The following RNF212 variants were observed in gnomAD, a reference collection of about 807,000 sequenced individuals.
The protein encoded by RNF212 is ring finger protein 212.
In RNF212, 33 loss-of-function variants were observed where a neutral mutation model predicts 34.7. That is an observed-to-expected ratio of 0.95 (90% confidence interval 0.72 to 1.27). RNF212 has a LOEUF of 1.27. Among genes scored for constraint, RNF212 ranks in the 50% most tolerant of loss-of-function variants. The pLI is 0.00. For synonymous variants in RNF212, 140 were observed against 136.1 expected (o/e 1.03, Z -0.20); for missense variants, 377 against 362.2 (o/e 1.04, Z -0.33).
rs1722853702 is a variant in RNF212 at position 1,095,131 on chromosome 4, C to G, written c.246+1634G>C. ...GCTCCATGGTCTCAGGATAGCGCAC[C>G]TGGCTCATCACAGAACCAAGCACGC... On this transcript the variant is annotated intron_variant, in intron 3 of 9. Transcript: ENST00000433731. Among the ~76,000 whole-genome samples, 3 of 147,882 alleles carry G rather than the reference C, an allele frequency of 2.0e-5. No homozygotes were observed. In the South Asian group the frequency reaches 6.5e-4, roughly 32 times the overall value.
At position 1,113,389 on chromosome 4, in the gene RNF212, C is replaced by T; in HGVS notation, c.76G>A (p.Gly26Arg). 1 of 1,602,280 alleles carries T rather than the reference C, an allele frequency of 6.2e-7. No individual in the cohort carries two copies. Residue 26 changes from glycine to arginine, a missense_variant, in exon 1 of 10, where the codon GGG (glycine) becomes AGG (arginine). By Grantham distance (125) the Gly-to-Arg change is moderately radical. Coordinates refer to ENST00000433731, the MANE Select transcript of RNF212 (RefSeq NM_001131034.4). ...AGGCAGGCGTCGCAGTACACGTGCC[C>T]GCAGTTGGTGAGGCTGAAGCACGAC... Reference protein sequence around the residue: ...RTSCFSLTNCGHVYCDACLGK... With the variant: ...RTSCFSLTNCRHVYCDACLGK...
chr4:1,096,968 C>T (rs1723162058), intron 2 of RNF212, 129 bp from the exon 3 acceptor site: 1 of 731,714 alleles, frequency 1.4e-6, no homozygotes, highest in South Asian at 1.6e-5. Flanking sequence ...TTGTGAATGG[C>T]CTCTCAGGGG....
intron 3 of RNF212, chr4:1,094,007 C>G (rs1299894522): frequency 6.5e-7 from 1 of 1,533,484 alleles, no homozygotes; most frequent in East Asian, 2.4e-5. Context: ...TCGGGAAAGC[C>G]TGAGATACTG....
chr4:1,111,526 C>A (rs1560174107), intron 1 of RNF212, among the ~76,000 whole-genome samples: 2 of 152,132 alleles, frequency 1.3e-5, no homozygotes, highest in Admixed American at 6.5e-5. Context: ...GCAGTGAAAC[C>A]CTGTCCAGTT....
In RNF212 at chr4:1,062,467, A is replaced by G. The variant is rs532594230; in HGVS notation, n.148-4074T>C. ...CACTTGAAAAATTTAACCCTTCTTC[A>G]TGACAAAAAAGGACTAGAAGGGCAC... is the stretch of plus-strand genomic sequence containing the variant. On this transcript the variant is annotated intron_variant and non_coding_transcript_variant, in intron 3 of 4. Coordinates refer to the RNF212 transcript ENST00000503206. Among the ~76,000 whole-genome samples the G allele has an allele frequency of 5.3e-5, 8 of 152,340 alleles. No homozygotes were observed. The South Asian group carries it at 1.5e-3, about 28-fold the overall frequency.
intron 3 of RNF212, chr4:1,093,706 G>A (rs1367722879): frequency 1.3e-6 from 2 of 1,536,134 alleles, no homozygotes; most frequent in African/African-American, 1.4e-5. Context: ...TCTGATGTCT[G>A]TGATAACAGA....
chr4:1,091,938 G>A (rs542683726), intron 3 of RNF212, among the ~76,000 whole-genome samples: 90 of 152,288 alleles, frequency 5.9e-4, no homozygotes, highest in Admixed American at 1.8e-3. Flanking sequence ...GAAGGACTCC[G>A]CAGGTTGCCC....
chr4:1,071,990 A>G lies in RNF212; in HGVS notation c.*884T>C, dbSNP rs1718544778. The G allele has an allele frequency of 6.6e-6, 1 of 152,270 alleles. No homozygotes were observed. Among genetic ancestry groups the G allele is most frequent in the Non-Finnish European group, 1.5e-5 (1 of 68,052 alleles). The allele number at this position is 152,270 out of a possible 1,614,324, so 9.4% of individuals were successfully genotyped here. A position where few individuals can be genotyped will look rare whatever the true frequency, so the allele number is the denominator to read the frequency against. On this transcript the variant is annotated 3_prime_UTR_variant, in exon 10 of 10. Transcript: ENST00000433731. ...ATGGACATCTATAGCAGCTTAATTC[A>G]TAATTGCCAAAACTTGGAAGCAACC...
At chr4:1,070,769 A>G (rs11732259), downstream of RNF212, among the ~76,000 whole-genome samples, 26,255 of 152,200 alleles carry the variant, frequency 0.17, 3,555 homozygotes, top group African/African-American at 0.38. Context: ...AGGGCACCAC[A>G]TCGGTAACAT....
Position 1,073,589 on chromosome 4 carries a change from T to A in RNF212, c.574+10A>T, listed in dbSNP as rs765998057. 6 of 1,582,312 alleles carry A rather than the reference T, an allele frequency of 3.8e-6. No individual in the cohort carries two copies. The East Asian group carries it at 1.3e-4, about 35-fold the overall frequency. ...TGTATCGGTCTGAGGTTACAGGACATTTTACTTACCCATTCGTCCATCTTG... is the reference window on the plus strand; with the variant it reads ...TGTATCGGTCTGAGGTTACAGGACAATTTACTTACCCATTCGTCCATCTTG... On this transcript the variant is annotated intron_variant, in intron 9 of 9. Coordinates refer to ENST00000433731, the MANE Select transcript of RNF212 (RefSeq NM_001131034.4).
chr4:1,082,142 G>C (rs1177557573), intron 5 of RNF212, among the ~76,000 whole-genome samples: 4 of 151,934 alleles, frequency 2.6e-5, no homozygotes, highest in Non-Finnish European at 5.9e-5. Context: ...AAAAGGAAGG[G>C]GAAAGGGAAA....
In RNF212 at chr4:1,108,366, G is replaced by A. The variant is rs868110478; in HGVS notation, c.148C>T (p.Arg50Cys). 3 of 1,507,014 alleles carry A rather than the reference G, an allele frequency of 2.0e-6. No homozygotes were observed. The highest frequency in any genetic ancestry group is 2.7e-5 in the Admixed American group (1 of 36,778). 93.4% of individuals were successfully genotyped at this position (1,507,014 alleles called of 1,614,324 possible). Residue 50 changes from arginine (R) to cysteine (C), a missense_variant, in exon 2 of 10, where the codon CGT (arginine) becomes TGT (cysteine). By Grantham distance (180) the Arg-to-Cys change is radical. Coordinates refer to ENST00000433731, the MANE Select transcript of RNF212 (RefSeq NM_001131034.4). ...ACATGCTTTGAAAGCAAAACTGTAC[G>A]ACAAGGAGCTTTACAAATCAAGCAT... is the stretch of plus-strand genomic sequence containing the variant. ...NECLICKAPC[R>C]TVLLSKHTDA...
chr4:1,074,103 T>C (rs1472228365), intron 8 of RNF212, among the ~76,000 whole-genome samples: 1 of 152,164 alleles, frequency 6.6e-6, no homozygotes, highest in Non-Finnish European at 1.5e-5. Flanking sequence ...CCCTGCTCTG[T>C]GCCCACCCTT....
chr4:1,111,843 A>G (rs190132270), intron 1 of RNF212, among the ~76,000 whole-genome samples: 28 of 152,336 alleles, frequency 1.8e-4, no homozygotes, highest in African/African-American at 6.3e-4. Context: ...CCAAAGGGCC[A>G]TGGACAGTGG....
chr4:1,093,840 G>A (rs1722601485), intron 3 of RNF212: 2 of 1,536,092 alleles, frequency 1.3e-6, no homozygotes, highest in Admixed American at 2.0e-5. Context: ...TGGGCCTCTG[G>A]CTGGCTCTGG....
chr4:1,081,895 C>T (rs536455859), intron 5 of RNF212: 5 of 427,148 alleles, frequency 1.2e-5, no homozygotes, highest in African/African-American at 8.0e-5. Flanking sequence ...ATGGCCACTG[C>T]GGGTGTTAAA....
intron 1 of RNF212, among the ~76,000 whole-genome samples, chr4:1,108,758 G>C (rs1364777931): frequency 6.6e-6 from 1 of 152,106 alleles, no homozygotes; most frequent in Non-Finnish European, 1.5e-5. Flanking sequence ...TCTGCAAGTG[G>C]CATGATCACA....
At chr4:1,057,926 T>C (rs1717441954) in intron 4 of RNF212, among the ~76,000 whole-genome samples, 2 of 152,110 alleles carry the variant, frequency 1.3e-5, no homozygotes, top group South Asian at 2.1e-4. Flanking sequence ...CCGAGTGTGG[T>C]GGCACATGCC....
intron 3 of RNF212, chr4:1,093,543 TCCACG>T (rs753667145): frequency 7.2e-7 from 1 of 1,392,960 alleles, no homozygotes; most frequent in Non-Finnish European, 9.2e-7. Flanking sequence ...GCCTGTGACC[TCCACG>T]GCCCATGCCG....
Sources: allele counts gnomAD v4.1 joint callset (sites outside exome capture counted in the v4.1 genomes callset), GRCh38; gene constraint gnomAD v4.1.1; transcripts MANE v1.5; gene names NCBI Gene and HGNC (gene_info 2026-07-23, HGNC 2026-07-21).